ARHGEF33: variants seen among roughly 807,000 people sequenced by gnomAD.
The protein encoded by ARHGEF33 is Rho guanine nucleotide exchange factor 33.
Under a neutral mutation model 101.9 loss-of-function variants are expected in ARHGEF33, and 72 were observed. The observed-to-expected ratio is 0.71, with a 90% confidence interval of 0.58 to 0.86. The LOEUF is 0.86. ARHGEF33 is among the 40% of genes least tolerant of loss of function. The pLI, the probability that ARHGEF33 is intolerant of heterozygous loss-of-function variation, is 0.00. For missense variants in ARHGEF33, 1,169 were observed against 1,111.3 expected (o/e 1.05, Z -0.74); for synonymous variants, 499 against 442.5 (o/e 1.13, Z -1.60).
At chr2:38,923,410 A>T (rs141089345) in intron 4 of ARHGEF33, among the ~76,000 whole-genome samples, 1 of 152,302 alleles carries the variant, frequency 6.6e-6, no homozygotes, top group East Asian at 1.9e-4. Flanking sequence ...ACTAGAAGGG[A>T]GGGCACCAGA....
intron 2 of ARHGEF33, among the ~76,000 whole-genome samples, chr2:38,910,803 A>G (rs1013921550): frequency 6.6e-6 from 1 of 152,176 alleles, no homozygotes; most frequent in African/African-American, 2.4e-5. Flanking sequence ...CAGAGCCCAC[A>G]CAGGAATTGA....
chr2:38,952,107 A>C (rs1232514053), intron 11 of ARHGEF33, among the ~76,000 whole-genome samples: 2 of 152,224 alleles, frequency 1.3e-5, no homozygotes, highest in African/African-American at 4.8e-5. Context: ...GGAAATCCAG[A>C]ATTTTGTGGG....
chr2:38,901,400 A>G (rs1666233727), intron 2 of ARHGEF33, among the ~76,000 whole-genome samples: 1 of 152,064 alleles, frequency 6.6e-6, no homozygotes, highest in Admixed American at 6.6e-5. Context: ...CTTCCTACCC[A>G]CTGCTGAGCT....
Position 38,935,842 on chromosome 2 carries a change from A to G in ARHGEF33, c.565+8A>G. 1 of 1,546,358 alleles carries G rather than the reference A, an allele frequency of 6.5e-7. No individual in the cohort carries two copies. Among genetic ancestry groups the G allele is most frequent in the Non-Finnish European group, 8.8e-7 (1 of 1,142,372 alleles). ...AAGGAATGATGGGTCCTGGTAAGTGACTCTTCTCTTAGTTTTCTTTTCTTC... is the reference window on the plus strand; with the variant it reads ...AAGGAATGATGGGTCCTGGTAAGTGGCTCTTCTCTTAGTTTTCTTTTCTTC... On this transcript the variant is annotated splice_region_variant and intron_variant, in intron 8 of 17. Transcript: ENST00000409978.
intron 17 of ARHGEF33, among the ~76,000 whole-genome samples, chr2:38,967,746 T>A (rs1668082300): frequency 6.7e-6 from 1 of 150,066 alleles, no homozygotes; most frequent in Admixed American, 6.6e-5. Context: ...CTGGCTATTT[T>A]TTTTTTTTTT....
At chr2:38,968,524 A>G (rs1178112137) in intron 17 of ARHGEF33, among the ~76,000 whole-genome samples, 1 of 152,212 alleles carries the variant, frequency 6.6e-6, no homozygotes, top group Non-Finnish European at 1.5e-5. Flanking sequence ...GGTATAATGT[A>G]GAGGACTTGC....
chr2:38,908,629 A>G (rs533132528), intron 2 of ARHGEF33, among the ~76,000 whole-genome samples: 86 of 152,154 alleles, frequency 5.7e-4, no homozygotes, highest in African/African-American at 1.9e-3. Flanking sequence ...TTGTTATTTC[A>G]CTTCTGAGCC....
chr2:38,950,402 A>G (rs1476245843), intron 10 of ARHGEF33, among the ~76,000 whole-genome samples: 1 of 152,202 alleles, frequency 6.6e-6, no homozygotes, highest in Non-Finnish European at 1.5e-5. Flanking sequence ...CATTTAAATG[A>G]GCATGTAAAA....
intron 2 of ARHGEF33, among the ~76,000 whole-genome samples, chr2:38,904,790 T>A (rs1666351722): frequency 6.6e-6 from 1 of 151,230 alleles, no homozygotes; most frequent in Non-Finnish European, 1.5e-5. Flanking sequence ...ATCATGTAAG[T>A]GACATTTAAA....
intron 15 of ARHGEF33, 62 bp downstream of exon 15, chr2:38,958,260 C>A: frequency 2.0e-6 from 3 of 1,534,050 alleles, no homozygotes; most frequent in Non-Finnish European, 2.6e-6. Flanking sequence ...CCAGTCTGTG[C>A]GGGTTAGCAG....
intron 4 of ARHGEF33, among the ~76,000 whole-genome samples, chr2:38,925,686 A>T (rs562585872): frequency 6.6e-6 from 1 of 152,292 alleles, no homozygotes; most frequent in African/African-American, 2.4e-5. Context: ...TTTAGGGGGA[A>T]ACCAAAGCAA....
intron 2 of ARHGEF33, among the ~76,000 whole-genome samples, chr2:38,916,162 G>A (rs373445482): frequency 6.6e-6 from 1 of 152,120 alleles, no homozygotes; most frequent in East Asian, 1.9e-4. Flanking sequence ...GGATTTTGTT[G>A]TTGTTTTCAA....
intron 2 of ARHGEF33, among the ~76,000 whole-genome samples, chr2:38,904,143 G>A (rs950796435): frequency 2.0e-4 from 30 of 152,174 alleles, no homozygotes; most frequent in Admixed American, 2.0e-4. Context: ...TCCAAGAAAG[G>A]AAGGATAATT....
intron 17 of ARHGEF33, among the ~76,000 whole-genome samples, chr2:38,970,664 C>G (rs913410153): frequency 3.3e-5 from 5 of 152,170 alleles, no homozygotes; most frequent in African/African-American, 1.2e-4. Flanking sequence ...AGAAATAGTT[C>G]CTGCCCATTA....
At chr2:38,896,319 A>G (rs1329210925) in intron 2 of ARHGEF33, among the ~76,000 whole-genome samples, 3 of 151,942 alleles carry the variant, frequency 2.0e-5, no homozygotes, top group Non-Finnish European at 4.4e-5. Flanking sequence ...TTGTATTTTT[A>G]TAGAGACAGG....
At chr2:38,973,449 A>G (rs1390893939) in intron 17 of ARHGEF33, among the ~76,000 whole-genome samples, 1 of 152,120 alleles carries the variant, frequency 6.6e-6, no homozygotes, top group African/African-American at 2.4e-5. Context: ...TTGTTCCCCT[A>G]TTATGATGTT....
rs370501873 is a variant in ARHGEF33 at position 38,942,260 on chromosome 2, C to T, written c.791-1641C>T. ...TTGACTCACTGCCACCTCTGCCTCC[C>T]GGGTTCAAACTATTCTCCTGCCTCA... is the stretch of plus-strand genomic sequence containing the variant. On this transcript the variant is annotated intron_variant, in intron 9 of 17. Coordinates refer to ENST00000409978, the MANE Select transcript of ARHGEF33 (RefSeq NM_001145451.5). Among the ~76,000 whole-genome samples, 48 of 150,532 alleles carry T rather than the reference C, an allele frequency of 3.2e-4. No homozygotes were observed. In the East Asian group the frequency reaches 7.5e-3, roughly 23 times the overall value.
chr2:38,937,638 C>G (rs1244667612), intron 9 of ARHGEF33, 79 bp downstream of exon 9: 13 of 887,544 alleles, frequency 1.5e-5, no homozygotes. Flanking sequence ...GGCGAGAATC[C>G]TTGCCGTTTA....
intron 13 of ARHGEF33, among the ~76,000 whole-genome samples, chr2:38,954,682 G>T: frequency 6.7e-6 from 1 of 149,120 alleles, no homozygotes; most frequent in Non-Finnish European, 1.5e-5. Flanking sequence ...CACCCAGGCT[G>T]GAGTACAGTG....
Sources: gnomAD v4.1 joint callset for allele counts (sites outside exome capture counted in the v4.1 genomes callset) on GRCh38, gnomAD v4.1.1 for gene constraint, MANE v1.5 for transcripts, NCBI Gene and HGNC (gene_info 2026-07-23, HGNC 2026-07-21) for gene names.